MICAL3: variants seen among roughly 807,000 people sequenced by gnomAD.
MICAL3 encodes the protein [F-actin]-monooxygenase MICAL3.
MICAL3 carries 62 observed loss-of-function variants against 207.4 expected under a neutral mutation model. The ratio of observed to expected loss-of-function variants is 0.30; its 90% CI spans 0.24 to 0.37. The LOEUF (loss-of-function observed/expected upper bound fraction) is 0.37, where lower values mean the gene tolerates loss of function less well. Among genes scored for constraint, MICAL3 ranks in the 10% least tolerant of loss-of-function variants. The pLI, the probability that MICAL3 is intolerant of heterozygous loss-of-function variation, is 1.00. For missense variants in MICAL3, 2,368 were observed against 2,635.6 expected (o/e 0.90, Z 2.22); for synonymous variants, 1,077 against 1,069.3 (o/e 1.01, Z -0.14).
chr22:17,843,589 T>C (rs11089203), intron 19 of MICAL3, among the ~76,000 whole-genome samples: 17,909 of 152,178 alleles, frequency 0.12, 1,935 homozygotes, highest in African/African-American at 0.29. Context: ...AGTGACACGA[T>C]GCACACATAC....
intron 1 of MICAL3, among the ~76,000 whole-genome samples, chr22:17,924,877 G>C (rs1006662085): frequency 1.3e-5 from 2 of 152,138 alleles, no homozygotes; most frequent in African/African-American, 4.8e-5. Context: ...TCCTTCCTCA[G>C]GGCAACTCAA....
At chr22:17,954,869 G>A (rs1417517321) in intron 1 of MICAL3, among the ~76,000 whole-genome samples, 6 of 151,820 alleles carry the variant, frequency 4.0e-5, no homozygotes, top group East Asian at 3.9e-4. Flanking sequence ...GATTACAGGC[G>A]GACACCACCA....
chr22:17,857,084 G>A (rs924451540), intron 19 of MICAL3, among the ~76,000 whole-genome samples: 1 of 152,138 alleles, frequency 6.6e-6, no homozygotes, highest in Non-Finnish European at 1.5e-5. Flanking sequence ...CCTGTTAATC[G>A]ATACCAGCTC....
At chr22:17,821,118 A>G (rs1217233810) in intron 25 of MICAL3, among the ~76,000 whole-genome samples, 1 of 152,070 alleles carries the variant, frequency 6.6e-6, no homozygotes, top group Non-Finnish European at 1.5e-5. Flanking sequence ...TGTGGACCTA[A>G]CACAGTGACA....
Position 17,864,599 on chromosome 22 carries a change from G to A in MICAL3, c.2605+300C>T, listed in dbSNP as rs996666853. 9.3e-6 allele frequency: 14 copies of A among 1,511,658 alleles called. No individual in the cohort carries two copies. The Admixed American group carries it at 1.4e-4, about 15-fold the overall frequency. 93.6% of individuals were successfully genotyped at this position (1,511,658 alleles called of 1,614,324 possible). Reference sequence around the variant, plus strand: ...GGGCCGCCCTCAGGTGTGATGGTGCGGGACGGGGCTGAGGGACAGCACTTC... The same window carrying A: ...GGGCCGCCCTCAGGTGTGATGGTGCAGGACGGGGCTGAGGGACAGCACTTC... On this transcript the variant is annotated intron_variant, in intron 19 of 31. Transcript: ENST00000441493.
chr22:18,008,059 G>A (rs1923514643), intron 1 of MICAL3, among the ~76,000 whole-genome samples: 1 of 151,402 alleles, frequency 6.6e-6, no homozygotes, highest in Non-Finnish European at 1.5e-5. Context: ...TGGCCAACAT[G>A]GTGAAATACT....
chr22:17,979,806 C>T (rs1304083731), intron 1 of MICAL3, among the ~76,000 whole-genome samples: 3 of 151,620 alleles, frequency 2.0e-5, no homozygotes, highest in African/African-American at 7.3e-5. Flanking sequence ...AAAAAAAAAC[C>T]CACAGGTTTT....
At chr22:17,895,623 G>A (rs1007229523) in intron 9 of MICAL3, among the ~76,000 whole-genome samples, 1 of 151,970 alleles carries the variant, frequency 6.6e-6, no homozygotes, top group African/African-American at 2.4e-5. Flanking sequence ...GCCGAGGAGA[G>A]AGAGCAGGCA....
At position 17,834,958 on chromosome 22, in the gene MICAL3, C is replaced by T. The variant is rs8140525; in HGVS notation, c.2802-2851G>A. On this transcript the variant is annotated intron_variant, in intron 20 of 31. Transcript: ENST00000441493. ...GGTTCCTCTTTCCCAGCTGAGCAGCCGGGGCCTGTGCAAGGCTGCCCAGCA... is the reference window on the plus strand; with the variant it reads ...GGTTCCTCTTTCCCAGCTGAGCAGCTGGGGCCTGTGCAAGGCTGCCCAGCA... Among the ~76,000 whole-genome samples, 897 of 152,360 alleles carry T rather than the reference C, an allele frequency of 5.9e-3. 5 individuals are homozygous for T. The highest frequency in any genetic ancestry group is 0.02 in the African/African-American group (842 of 41,584).
intron 1 of MICAL3, among the ~76,000 whole-genome samples, chr22:17,959,922 G>A (rs972534560): frequency 2.6e-5 from 4 of 152,190 alleles, no homozygotes; most frequent in Non-Finnish European, 4.4e-5. Context: ...TGACATGGAC[G>A]AAAAGCTCAT....
At chr22:17,798,819 G>A (rs952793587) in intron 29 of MICAL3, among the ~76,000 whole-genome samples, 25 of 151,548 alleles carry the variant, frequency 1.6e-4, no homozygotes, top group Admixed American at 5.3e-4. Flanking sequence ...GACTACAGGC[G>A]CCCGCCACCA....
In MICAL3 at chr22:17,817,620, C is replaced by T; in HGVS notation, c.5041G>A (p.Gly1681Ser). ...GATGAAGTGAAAGAGCCATCTGGGC[C>T]CCCTGAGTCCGACGGCGGGGAGAGG... ...EVLSPPSDSG[G>S]PDGSFTSSEG... The change falls in exon 26 of 32, where the codon GGC (glycine) becomes AGC (serine). Residue 1681 changes from glycine to serine, a missense_variant. Physicochemically the swap from Gly to Ser is moderately conservative, Grantham distance 56. This residue lies in a region of MICAL3 where 1,770 missense variants were observed against 1,863.2 expected (regional missense o/e 0.95). Transcript: ENST00000441493. 1 of 1,612,926 alleles carries T rather than the reference C, an allele frequency of 6.2e-7. No homozygotes were observed. The highest frequency in any genetic ancestry group is 8.5e-7 in the Non-Finnish European group (1 of 1,179,756).
chr22:17,941,619 C>T (rs1039198363), intron 1 of MICAL3, among the ~76,000 whole-genome samples: 5 of 152,228 alleles, frequency 3.3e-5, no homozygotes, highest in African/African-American at 1.2e-4. Context: ...TGAGAAGTAA[C>T]TGCCACATGC....
At chr22:17,859,872 C>T (rs1926326532) in intron 19 of MICAL3, among the ~76,000 whole-genome samples, 1 of 152,242 alleles carries the variant, frequency 6.6e-6, no homozygotes, top group Non-Finnish European at 1.5e-5. Flanking sequence ...ACCTGAGGCC[C>T]ATGGGCACAG....
chr22:17,957,759 A>G (rs1934701360), intron 1 of MICAL3, among the ~76,000 whole-genome samples: 1 of 150,972 alleles, frequency 6.6e-6, no homozygotes, highest in Non-Finnish European at 1.5e-5. Context: ...AGAGAGAGAG[A>G]GAGAATGAAA....
At chr22:17,952,285 A>G (rs1934385957) in intron 1 of MICAL3, among the ~76,000 whole-genome samples, 1 of 151,704 alleles carries the variant, frequency 6.6e-6, no homozygotes, top group African/African-American at 2.4e-5. Flanking sequence ...CCTCCCCATC[A>G]CCCCACTCTC....
intron 19 of MICAL3, among the ~76,000 whole-genome samples, chr22:17,845,343 C>T (rs560074438): frequency 1.2e-4 from 18 of 152,272 alleles, no homozygotes; most frequent in African/African-American, 3.4e-4. Context: ...ACGTGGGGAA[C>T]GCATACTGTC....
intron 1 of MICAL3, among the ~76,000 whole-genome samples, chr22:17,961,240 T>A: frequency 6.6e-6 from 1 of 152,012 alleles, no homozygotes; most frequent in East Asian, 1.9e-4. Flanking sequence ...AAACATGAGG[T>A]GTGAGAACCA....
At chr22:17,878,710 C>T (rs1349895477) in intron 16 of MICAL3, among the ~76,000 whole-genome samples, 5 of 152,102 alleles carry the variant, frequency 3.3e-5, no homozygotes, top group East Asian at 1.9e-4. Context: ...TAAAGTAAGC[C>T]GGCTTCTTTA....
Sources: allele counts gnomAD v4.1 joint callset (sites outside exome capture counted in the v4.1 genomes callset), GRCh38; gene constraint gnomAD v4.1.1; regional missense constraint gnomAD v4.1.1; transcripts MANE v1.5; gene names NCBI Gene and HGNC (gene_info 2026-07-23, HGNC 2026-07-21).